Variants in ABCB11 observed in about 807,000 individuals in gnomAD.
ABCB11 encodes the protein bile salt export pump.
A neutral mutation model predicts 148.0 loss-of-function variants in ABCB11; 95 were observed. The observed-to-expected ratio is 0.64, with a 90% CI of 0.54 to 0.76. The LOEUF is 0.76. Among genes scored for constraint, ABCB11 ranks in the 30% least tolerant of loss-of-function variants. The probability of loss-of-function intolerance (pLI) is 0.00; values close to 1 mark genes in which losing one functional copy is unlikely to be tolerated. For synonymous variants in ABCB11, 591 were observed against 555.4 expected (o/e 1.06, Z -0.90); for missense variants, 1,523 against 1,617.8 (o/e 0.94, Z 1.01).
intron 5 of ABCB11, among the ~76,000 whole-genome samples, chr2:169,006,890 ATAAAT>A (rs1695035082): frequency 6.6e-6 from 1 of 152,242 alleles, no homozygotes; most frequent in Non-Finnish European, 1.5e-5. Flanking sequence ...CCTTGTTGAA[ATAAAT>A]TAAAGCAGAC....
chr2:169,027,592 G>A (rs1221690169), intron 1 of ABCB11, among the ~76,000 whole-genome samples: 1 of 152,192 alleles, frequency 6.6e-6, no homozygotes, highest in Admixed American at 6.5e-5. Context: ...GGGGAAGAGA[G>A]ACCATCAGCT....
At position 168,958,084 on chromosome 2, in the gene ABCB11, A is replaced by T. The variant is rs1267306743; in HGVS notation, c.2223T>A (p.Val741=). ...GAGCACTGAATTTCAGAATCCTCCT[A>T]ACTGGGGCAGGTTCAACTTCTTCCT... ...PVQEEVEPAP[V]RRILKFSAPE... Residue 741 remains valine, a synonymous_variant, in exon 19 of 28, where the codon GTT becomes GTA. Coordinates refer to ENST00000650372, the MANE Select transcript of ABCB11 (RefSeq NM_003742.4). 1 of 1,611,222 alleles carries T rather than the reference A, an allele frequency of 6.2e-7. No homozygotes were observed. Among genetic ancestry groups the T allele is most frequent in the Non-Finnish European group, 8.5e-7 (1 of 1,178,142 alleles).
At chr2:168,950,895 ATTTT>A (rs1692532090) in intron 19 of ABCB11, among the ~76,000 whole-genome samples, 1 of 151,578 alleles carries the variant, frequency 6.6e-6, no homozygotes, top group South Asian at 2.1e-4. Context: ...TTCTTCTAGT[ATTTT>A]TATAGTTTCA....
chr2:168,982,622 T>TA (rs1039794549), intron 10 of ABCB11, among the ~76,000 whole-genome samples: 30 of 152,180 alleles, frequency 2.0e-4, no homozygotes, highest in African/African-American at 7.2e-4. Context: ...TATGCCCAAT[T>TA]ACCATGCAGC....
intron 17 of ABCB11, among the ~76,000 whole-genome samples, chr2:168,965,128 G>A (rs917371737): frequency 6.6e-6 from 1 of 151,846 alleles, no homozygotes; most frequent in East Asian, 2.0e-4. Flanking sequence ...CAAGATTCAT[G>A]GATGAGATGG....
chr2:169,012,482 C>T (rs1200322938), intron 5 of ABCB11, among the ~76,000 whole-genome samples: 5 of 152,086 alleles, frequency 3.3e-5, no homozygotes, highest in South Asian at 2.1e-4. Flanking sequence ...AGTTTTCTCA[C>T]GCCTGTAATC....
At position 168,970,068 on chromosome 2, in the gene ABCB11, T is replaced by C. The variant is rs892224423; in HGVS notation, c.1786A>G (p.Met596Val). The C allele has an allele frequency of 1.9e-6, 3 of 1,569,714 alleles. No homozygotes were observed. The Admixed American group carries it at 5.1e-5, about 27-fold the overall frequency. Residue 596 changes from methionine to valine, a missense_variant, in exon 15 of 28, where the codon ATG becomes GTG. Coordinates refer to ENST00000650372, the MANE Select transcript of ABCB11 (RefSeq NM_003742.4). The stretch of plus-strand genomic sequence containing the variant: ...ACCTTACTCAGCACTTCTTGCACCA[T>C]GGCTTCACTCTCATTGTCCAGAGCT... ...TSALDNESEA[M>V]VQEVLSKIQH...
chr2:169,009,288 T>C (rs1230320732), intron 5 of ABCB11, among the ~76,000 whole-genome samples: 2 of 152,176 alleles, frequency 1.3e-5, no homozygotes, highest in East Asian at 3.9e-4. Flanking sequence ...CGTATGTTTA[T>C]TGTGGCACTA....
Position 169,026,154 on chromosome 2 carries a change from A to C in ABCB11, c.-28+5071T>G, listed in dbSNP as rs368775294. On this transcript the variant is annotated intron_variant, in intron 1 of 27. Transcript: ENST00000650372. The stretch of plus-strand genomic sequence containing the variant: ...GTAACTTTGAGGTTGGTACTCTGTG[A>C]GATTGTTTATGTCTAATAAGAGAAT... Among the ~76,000 whole-genome samples the C allele has an allele frequency of 1.4e-4, 21 of 152,286 alleles. No homozygotes were observed. In the East Asian group the frequency reaches 2.1e-3, roughly 15 times the overall value.
rs1421958534 is a variant in ABCB11, at chr2:168,958,064, C to A, written c.2243G>T (p.Ser748Ile). Residue 748 changes from serine (S) to isoleucine (I), a missense_variant, in exon 19 of 28, where the codon AGT becomes ATT. Transcript: ENST00000650372. ...PAPVRRILKF[S>I]APEWPYMLVG... ...CAGCATGTAGGGCCATTCTGGAGCA[C>A]TGAATTTCAGAATCCTCCTAACTGG... 3 of 1,611,354 alleles carry A rather than the reference C, an allele frequency of 1.9e-6. No individual in the cohort carries two copies. Among genetic ancestry groups the A allele is most frequent in the Non-Finnish European group, 2.5e-6 (3 of 1,178,350 alleles).
chr2:168,934,801 C>G (rs1160801064), intron 23 of ABCB11, among the ~76,000 whole-genome samples: 4 of 152,144 alleles, frequency 2.6e-5, no homozygotes, highest in Non-Finnish European at 4.4e-5. Flanking sequence ...TTCCTTAAAC[C>G]TGGGCTTGAT....
At chr2:168,992,686 T>A (rs975671770) in intron 8 of ABCB11, among the ~76,000 whole-genome samples, 1 of 152,060 alleles carries the variant, frequency 6.6e-6, no homozygotes, top group Non-Finnish European at 1.5e-5. Context: ...TTTTCAGGGG[T>A]TAAATGGATT....
intron 12 of ABCB11, among the ~76,000 whole-genome samples, 157 bp from the exon 13 acceptor site, chr2:168,973,997 A>G (rs1558899179): frequency 2.6e-5 from 4 of 152,036 alleles, no homozygotes; most frequent in African/African-American, 2.4e-5. Flanking sequence ...ATCAAAAACC[A>G]GTAAAAGGAA....
intron 13 of ABCB11, 132 bp downstream of exon 13, chr2:168,973,583 G>T: frequency 8.6e-7 from 1 of 1,163,646 alleles, no homozygotes; most frequent in Non-Finnish European, 1.2e-6. Context: ...CATCAATTCA[G>T]TAACAAATCA....
chr2:168,996,767 A>T, intron 5 of ABCB11, 45 bp from the exon 6 acceptor site: 1 of 1,211,672 alleles, frequency 8.3e-7, no homozygotes, highest in African/African-American at 1.6e-5. Context: ...AGTAGGATCA[A>T]GCCACCAGAG....
At chr2:168,961,079 G>A (rs866817979) in intron 18 of ABCB11, among the ~76,000 whole-genome samples, 2 of 151,674 alleles carry the variant, frequency 1.3e-5, no homozygotes, top group South Asian at 4.1e-4. Flanking sequence ...GCACTTCACA[G>A]TGTACAATCG....
intron 18 of ABCB11, among the ~76,000 whole-genome samples, chr2:168,959,866 T>G (rs1049248821): frequency 6.7e-6 from 1 of 148,502 alleles, no homozygotes; most frequent in Admixed American, 6.8e-5. Context: ...CTACTGCTAT[T>G]GCTATGAATA....
At chr2:169,029,497 G>A (rs761842322) in intron 1 of ABCB11, among the ~76,000 whole-genome samples, 2 of 152,078 alleles carry the variant, frequency 1.3e-5, no homozygotes, top group African/African-American at 2.4e-5. Flanking sequence ...AACACTGTGG[G>A]TGACCCAGTC....
chr2:168,978,696 A>C (rs1574461131), intron 11 of ABCB11, among the ~76,000 whole-genome samples: 1 of 151,616 alleles, frequency 6.6e-6, no homozygotes, highest in African/African-American at 2.4e-5. Context: ...CAGATTGCCA[A>C]CTTCCCCTTC....
Sources: allele counts gnomAD v4.1 joint callset (sites outside exome capture counted in the v4.1 genomes callset), GRCh38; gene constraint gnomAD v4.1.1; transcripts MANE v1.5; gene names NCBI Gene and HGNC (gene_info 2026-07-23, HGNC 2026-07-21).